RTKN: variants seen among roughly 807,000 people sequenced by gnomAD.
The protein encoded by RTKN is rhotekin.
A neutral mutation model predicts 63.5 loss-of-function variants in RTKN; 49 were observed. The ratio of observed to expected loss-of-function variants is 0.77; its 90% confidence interval spans 0.61 to 0.98. The LOEUF is 0.98. RTKN is among the 50% of genes least tolerant of loss of function. The pLI is 0.00. For missense variants in RTKN, 685 were observed against 740.8 expected (o/e 0.92, Z 0.87); for synonymous variants, 295 against 290.4 (o/e 1.02, Z -0.16).
Position 74,428,693 on chromosome 2 carries a change from G to GA in RTKN, c.894_895insT (p.Arg299SerfsTer48). ...ATGCAGAGAGGCTGAGCTGCCAGAC[G>GA]GCAACACACGCTACCATAAAGGGGC... On this transcript the variant is annotated frameshift_variant, in exon 8 of 12. Coordinates refer to ENST00000272430, the MANE Select transcript of RTKN (RefSeq NM_001015055.2). LOFTEE classifies it high-confidence loss of function. 6.2e-7 allele frequency: 1 copy of GA among 1,613,986 alleles called. No homozygotes were observed. Among genetic ancestry groups the GA allele is most frequent in the East Asian group, 2.2e-5 (1 of 44,870 alleles).
intron 1 of RTKN, among the ~76,000 whole-genome samples, chr2:74,433,273 T>A (rs987320466): frequency 1.2e-4 from 18 of 149,830 alleles, no homozygotes; most frequent in Non-Finnish European, 1.5e-4. Context: ...TATATATATA[T>A]AAAACAAATA....
Position 74,427,486 on chromosome 2 carries a change from G to C in RTKN, c.1193C>G (p.Thr398Arg). The C allele has an allele frequency of 6.2e-7, 1 of 1,614,200 alleles. No individual in the cohort carries two copies. Among genetic ancestry groups the C allele is most frequent in the Non-Finnish European group, 8.5e-7 (1 of 1,180,036 alleles). ...GCTCTGCAGTGCTTCCCGACTTTCT[G>C]TCTGAAGGGTGTGTGTCACCTCATC... is the stretch of plus-strand genomic sequence containing the variant. ...GDDEVTHTLQTESREALQSWM... is the reference protein window; with the variant it reads ...GDDEVTHTLQRESREALQSWM... The change falls in exon 10 of 12, where the codon ACA (threonine) becomes AGA (arginine). Residue 398 changes from threonine to arginine, a missense_variant. Thr to Arg is a moderately conservative substitution (Grantham distance 71, BLOSUM62 -1). Coordinates refer to ENST00000272430, the MANE Select transcript of RTKN (RefSeq NM_001015055.2).
rs752346523 is a variant in RTKN at position 74,426,236 on chromosome 2, TTCTC to T, written c.*3_*6del. The T allele has an allele frequency of 5.0e-5, 80 of 1,612,240 alleles. No homozygotes were observed. The highest frequency in any genetic ancestry group is 3.9e-5 in the Non-Finnish European group (46 of 1,178,502). On this transcript the variant is annotated 3_prime_UTR_variant, in exon 12 of 12. Transcript: ENST00000272430. ...CTGGGCAGATCCTATGCCAGCACCT[TTCTC>T]TCTCACACTGGTGACTGGAGCCAAG... is the stretch of plus-strand genomic sequence containing the variant.
At chr2:74,441,664 C>T (rs1671371393) in intron 1 of RTKN, 42 bp downstream of exon 1, 7 of 1,467,670 alleles carry the variant, frequency 4.8e-6, no homozygotes, top group Non-Finnish European at 5.6e-6. Context: ...GGGCTGCCCC[C>T]GGGAGCCGCG....
intron 1 of RTKN, among the ~76,000 whole-genome samples, chr2:74,441,403 A>G (rs1282489493): frequency 1.3e-5 from 2 of 152,198 alleles, no homozygotes; most frequent in African/African-American, 2.4e-5. Context: ...GGGATGCCCA[A>G]GACATTTTGG....
chr2:74,439,002 C>T (rs980616257), intron 1 of RTKN, among the ~76,000 whole-genome samples: 2 of 152,158 alleles, frequency 1.3e-5, no homozygotes, highest in East Asian at 3.8e-4. Flanking sequence ...TAATACATAG[C>T]GCAAGGTGCA....
chr2:74,428,694 G>A lies in RTKN; in HGVS notation c.894C>T (p.Cys298=), dbSNP rs1228358598. Residue 298 remains cysteine, a synonymous_variant, in exon 8 of 12, where the codon TGC becomes TGT. Coordinates refer to ENST00000272430, the MANE Select transcript of RTKN (RefSeq NM_001015055.2). ...TGCAGAGAGGCTGAGCTGCCAGACG[G>A]CAACACACGCTACCATAAAGGGGCA... ...AWLPLYGSVC[C]RLAAQPLCMT... 1 of 1,614,034 alleles carries A rather than the reference G, an allele frequency of 6.2e-7. No homozygotes were observed. The highest frequency in any genetic ancestry group is 8.5e-7 in the Non-Finnish European group (1 of 1,179,974).
chr2:74,441,634 G>A (rs1235790570), intron 1 of RTKN, 72 bp downstream of exon 1: 4 of 1,100,392 alleles, frequency 3.6e-6, no homozygotes, highest in African/African-American at 3.1e-5. Flanking sequence ...GCGGGCGAGG[G>A]AAGGAGGCCG....
At chr2:74,439,497 T>C (rs371933677) in intron 1 of RTKN, 56 of 1,589,766 alleles carry the variant, frequency 3.5e-5, no homozygotes, top group Middle Eastern at 3.3e-4. Context: ...AGGGCAGAGA[T>C]TGGGGCTGGG....
intron 1 of RTKN, chr2:74,439,841 G>A: frequency 1.5e-6 from 2 of 1,375,110 alleles, no homozygotes; most frequent in Non-Finnish European, 1.9e-6. Flanking sequence ...CTGCTCCGGG[G>A]CCCTGCCGGG....
In RTKN at chr2:74,430,235, C is replaced by A; in HGVS notation, c.545+17G>T. 1 of 1,589,182 alleles carries A rather than the reference C, an allele frequency of 6.3e-7. No individual in the cohort carries two copies. The highest frequency in any genetic ancestry group is 8.6e-7 in the Non-Finnish European group (1 of 1,157,220). ...GCAGAGTGGAGGAAGGAGGTAGCCA[C>A]AGTGTGAGGTACTCACAAGAGCACA... On this transcript the variant is annotated intron_variant, in intron 5 of 11. Transcript: ENST00000272430.
In RTKN at chr2:74,432,641, T is replaced by G; in HGVS notation, c.137A>C (p.Asp46Ala). The stretch of plus-strand genomic sequence containing the variant: ...CCCTTCCCTCATCCGGATCTCATGG[T>G]CTAGCTTCCTCTGCAACTCCGTGTC... Reference protein sequence around the residue: ...PEDTELQRKLDHEIRMREGAC... With the variant: ...PEDTELQRKLAHEIRMREGAC... Residue 46 changes from aspartate (D) to alanine (A), a missense_variant, in exon 2 of 12, where the codon GAC becomes GCC. Transcript: ENST00000272430. 1 of 1,614,132 alleles carries G rather than the reference T, an allele frequency of 6.2e-7. No individual in the cohort carries two copies. Among genetic ancestry groups the G allele is most frequent in the Non-Finnish European group, 8.5e-7 (1 of 1,180,014 alleles).
rs193179898 is a variant in RTKN at position 74,438,125 on chromosome 2, C to T, written c.111+3581G>A. On this transcript the variant is annotated intron_variant, in intron 1 of 11. Transcript: ENST00000272430. Reference sequence around the variant, plus strand: ...TGATCTAGACTCTTTGCAGTCCTGCCTCTGACCTCTCAGCAGCAGCCCCTG... The same window carrying T: ...TGATCTAGACTCTTTGCAGTCCTGCTTCTGACCTCTCAGCAGCAGCCCCTG... 2.0e-3 allele frequency among the ~76,000 whole-genome samples: 303 copies of T among 152,258 alleles called. 2 individuals are homozygous for T. Among genetic ancestry groups the T allele is most frequent in the Non-Finnish European group, 3.0e-3 (202 of 68,016 alleles).
rs147189723 is a variant in RTKN, at chr2:74,438,211, C to T, written c.111+3495G>A. ...TCTTCCCCATCTCCGTAAACAGCCACACCACCCAGTTGCTTAGCCACATAC... is the reference window on the plus strand; with the variant it reads ...TCTTCCCCATCTCCGTAAACAGCCATACCACCCAGTTGCTTAGCCACATAC... On this transcript the variant is annotated intron_variant, in intron 1 of 11. Transcript: ENST00000272430. Among the ~76,000 whole-genome samples, 530 of 152,268 alleles carry T rather than the reference C, an allele frequency of 3.5e-3. 2 individuals are homozygous for T. Among genetic ancestry groups the T allele is most frequent in the African/African-American group, 0.012 (518 of 41,542 alleles).
chr2:74,432,322 C>A, intron 2 of RTKN, 145 bp downstream of exon 2: 1 of 844,872 alleles, frequency 1.2e-6, no homozygotes, highest in Non-Finnish European at 2.0e-6. Flanking sequence ...GGTGGTAAAA[C>A]ACCAAGGTCT....
chr2:74,430,068 A>G (rs1306955115), intron 5 of RTKN, 31 bp from the exon 6 acceptor site: 1 of 1,612,100 alleles, frequency 6.2e-7, no homozygotes, highest in South Asian at 1.1e-5. Context: ...GGGTGGTCAC[A>G]GGAAAGTCCA....
At chr2:74,430,428 A>G in intron 4 of RTKN, 37 bp downstream of exon 4, 1 of 1,613,616 alleles carries the variant, frequency 6.2e-7, no homozygotes, top group Non-Finnish European at 8.5e-7. Flanking sequence ...CTTCAGGGTC[A>G]TTCCCCTGAA....
chr2:74,428,470 C>G, intron 8 of RTKN, 74 bp from the exon 9 acceptor site: 1 of 1,609,868 alleles, frequency 6.2e-7, no homozygotes, highest in African/African-American at 1.3e-5. Flanking sequence ...CCCATGAGAA[C>G]CTGTTCGTTT....
chr2:74,440,526 A>G (rs1402817929), intron 1 of RTKN: 1 of 986,104 alleles, frequency 1.0e-6, no homozygotes, highest in Non-Finnish European at 1.2e-6. Context: ...ACGGAGTCAC[A>G]CTTCACTCGG....
Sources: allele counts gnomAD v4.1 joint callset (sites outside exome capture counted in the v4.1 genomes callset), GRCh38; gene constraint gnomAD v4.1.1; transcripts MANE v1.5; gene names NCBI Gene and HGNC (gene_info 2026-07-23, HGNC 2026-07-21).